ENOSF1: variants seen among roughly 807,000 people sequenced by gnomAD.
ENOSF1 encodes enolase superfamily member 1.
ENOSF1 carries 73 observed loss-of-function variants against 68.2 expected under a neutral mutation model. The ratio of observed to expected loss-of-function variants is 1.07; its 90% CI spans 0.89 to 1.30. The LOEUF (loss-of-function observed/expected upper bound fraction) is 1.30, where lower values mean the gene tolerates loss of function less well. Among genes scored for constraint, ENOSF1 ranks in the 50% most tolerant of loss-of-function variants. The pLI is 0.00. For missense variants in ENOSF1, 589 were observed against 554.5 expected, an observed-to-expected ratio of 1.06 and a Z score of -0.62; for synonymous variants, 223 against 210.4, an observed-to-expected ratio of 1.06 and a Z score of -0.52.
chr18:665,407 TTTTC>T (rs925381814), downstream of ENOSF1, among the ~76,000 whole-genome samples: 20 of 151,390 alleles, frequency 1.3e-4, no homozygotes, highest in South Asian at 1.3e-3. Context: ...ATTCTTCTCT[TTTTC>T]TTTATTAGTC....
At position 699,998 on chromosome 18, in the gene ENOSF1, T is replaced by C. The variant is rs1253800941; in HGVS notation, c.194-2643A>G. ...GGGAAGCGGAGGGAGGAGAATCACT[T>C]GAACCCAGGAGGTGGAGGTTGCAGT... is the stretch of plus-strand genomic sequence containing the variant. On this transcript the variant is annotated intron_variant, in intron 2 of 15. Coordinates refer to ENST00000647584, the MANE Select transcript of ENOSF1 (RefSeq NM_017512.7). Among the ~76,000 whole-genome samples, 3 of 152,182 alleles carry C rather than the reference T, an allele frequency of 2.0e-5. No homozygotes were observed. In the South Asian group the frequency reaches 6.2e-4, roughly 31 times the overall value.
chr18:667,799 C>T (rs887430302), downstream of ENOSF1: 2 of 152,024 alleles, frequency 1.3e-5, no homozygotes, highest in African/African-American at 2.4e-5. Context: ...GTAGGGTGTC[C>T]GTAGGATGTG....
Position 671,018 on chromosome 18 carries a change from AC to A in ENOSF1, c.*3286del. 1.0e-6 allele frequency: 1 copy of A among 966,828 alleles called. No individual in the cohort carries two copies. Among genetic ancestry groups the A allele is most frequent in the Admixed American group, 2.8e-5 (1 of 35,272 alleles). 59.9% of individuals were successfully genotyped at this position (966,828 alleles called of 1,614,324 possible). On this transcript the variant is annotated 3_prime_UTR_variant, in exon 16 of 16. Coordinates refer to ENST00000647584, the MANE Select transcript of ENOSF1 (RefSeq NM_017512.7). ...GAAATGAACCAGCTTTTACTTTGAA[AC>A]CTTCCTCTTCTGGAAGGTTTTCTGG...
At chr18:695,738 C>T (rs140521621) in intron 3 of ENOSF1, among the ~76,000 whole-genome samples, 367 of 152,188 alleles carry the variant, frequency 2.4e-3, no homozygotes, top group Admixed American at 4.2e-3. Flanking sequence ...AGCTACTGTG[C>T]CCAGCTGATT....
At position 690,544 on chromosome 18, in the gene ENOSF1, C is replaced by T; in HGVS notation, c.618+5G>A. ...CTGTCTACAAAGCCAGGTTAAAATG[C>T]CCACCTGCTTCAACGTGTCATCTGA... On this transcript the variant is annotated splice_donor_5th_base_variant and intron_variant, in intron 8 of 15. Coordinates refer to ENST00000647584, the MANE Select transcript of ENOSF1 (RefSeq NM_017512.7). 5 of 1,614,154 alleles carry T rather than the reference C, an allele frequency of 3.1e-6. No homozygotes were observed. Among genetic ancestry groups the T allele is most frequent in the Non-Finnish European group, 4.2e-6 (5 of 1,180,032 alleles).
At chr18:706,216 C>T (rs1454035353) in intron 2 of ENOSF1, among the ~76,000 whole-genome samples, 1 of 152,030 alleles carries the variant, frequency 6.6e-6, no homozygotes, top group East Asian at 1.9e-4. Flanking sequence ...GAGAAACAGA[C>T]TAACAGCCAA....
Position 672,712 on chromosome 18 carries a change from A to C in ENOSF1, c.*1593T>G. 1 of 832,696 alleles carries C rather than the reference A, an allele frequency of 1.2e-6. No individual in the cohort carries two copies. Among genetic ancestry groups the C allele is most frequent in the East Asian group, 2.6e-5 (1 of 39,070 alleles). 51.6% of individuals were successfully genotyped at this position (832,696 alleles called of 1,614,324 possible). ...GCTGGTTGCGCTCCAATCATGTTAC[A>C]TAACCTACGGCAAGGTATCGACAGG... On this transcript the variant is annotated 3_prime_UTR_variant, in exon 16 of 16. Coordinates refer to ENST00000647584, the MANE Select transcript of ENOSF1 (RefSeq NM_017512.7).
chr18:691,175 C>G (rs780161709), intron 6 of ENOSF1, 29 bp downstream of exon 6: 1 of 1,613,428 alleles, frequency 6.2e-7, no homozygotes, highest in African/African-American at 1.3e-5. Context: ...GTGTGCACGT[C>G]GTGTATCCCA....
At chr18:708,203 G>T (rs2079144809) in intron 1 of ENOSF1, among the ~76,000 whole-genome samples, 1 of 152,136 alleles carries the variant, frequency 6.6e-6, no homozygotes, top group African/African-American at 2.4e-5. Flanking sequence ...CTGTATTGGG[G>T]TGTCGTGGCT....
Position 675,402 on chromosome 18 carries a change from C to T in ENOSF1, c.1149G>A (p.Arg383=), listed in dbSNP as rs2075386222. 2 of 1,612,188 alleles carry T rather than the reference C, an allele frequency of 1.2e-6. No individual in the cohort carries two copies. The highest frequency in any genetic ancestry group is 1.7e-4 in the Middle Eastern group (1 of 6,052). The change falls in exon 15 of 16, where the codon AGG becomes AGA. Residue 383 remains arginine, a splice_region_variant and synonymous_variant. Coordinates refer to ENST00000647584, the MANE Select transcript of ENOSF1 (RefSeq NM_017512.7). ...YISVSASLEN[R]VCEYVDHLHE... Reference sequence around the variant, plus strand: ...GCAGGTGGTCAACATACTCACACACCCTAGGAGGAGGGAATCAGATCGGGG... The same window carrying T: ...GCAGGTGGTCAACATACTCACACACTCTAGGAGGAGGGAATCAGATCGGGG...
Position 673,149 on chromosome 18 carries a change from CT to C in ENOSF1, c.*1155del, listed in dbSNP as rs1167689742. On this transcript the variant is annotated 3_prime_UTR_variant, in exon 16 of 16. Transcript: ENST00000647584. ...TTATTAATTTTTAAGGATGTTGCCACTGGCAAATGTAACTGTGCCAGTTCTT... is the reference window on the plus strand; with the variant it reads ...TTATTAATTTTTAAGGATGTTGCCACGGCAAATGTAACTGTGCCAGTTCTT... 7 of 800,882 alleles carry C rather than the reference CT, an allele frequency of 8.7e-6. No individual in the cohort carries two copies. In the East Asian group the frequency reaches 1.8e-4, roughly 21 times the overall value. 49.6% of individuals were successfully genotyped at this position (800,882 alleles called of 1,614,324 possible). A position where few individuals can be genotyped will look rare whatever the true frequency, so the allele number is the denominator to read the frequency against.
intron 9 of ENOSF1, chr18:686,285 T>C: frequency 2.6e-6 from 1 of 382,972 alleles, no homozygotes; most frequent in Non-Finnish European, 4.7e-6. Flanking sequence ...AACTCCGTTT[T>C]TGCCGGGCCA....
rs3786349 is a variant in ENOSF1 at position 712,568 on chromosome 18, G to A, written c.20C>T (p.Ser7Phe). Reference sequence around the variant, plus strand: ...GCGCACGTCCCGGACCGAGAGCCGGGAGATCCTGCCGCGCACCATGGCCCC... The same window carrying A: ...GCGCACGTCCCGGACCGAGAGCCGGAAGATCCTGCCGCGCACCATGGCCCC... MVRGRI[S>F]RLSVRDVRFP... is the part of the protein sequence containing the mutation. The change falls in exon 1 of 16, where the codon TCC becomes TTC. Residue 7 changes from serine to phenylalanine, a missense_variant. Ser to Phe is a radical substitution (Grantham distance 155). Transcript: ENST00000647584. 93,102 of 1,359,794 alleles carry A rather than the reference G, an allele frequency of 0.068. 8,412 individuals are homozygous for A. Among genetic ancestry groups the A allele is most frequent in the East Asian group, 0.24 (9,563 of 39,224 alleles). The allele number at this position is 1,359,794 out of a possible 1,614,324, so 84.2% of individuals were successfully genotyped here. A position where few individuals can be genotyped will look rare whatever the true frequency, so the allele number is the denominator to read the frequency against.
At chr18:681,905 T>C (rs1249274167) in intron 11 of ENOSF1, among the ~76,000 whole-genome samples, 1 of 152,132 alleles carries the variant, frequency 6.6e-6, no homozygotes, top group Non-Finnish European at 1.5e-5. Flanking sequence ...CATGTGCTGA[T>C]TTGCTGAGAG....
In ENOSF1 at chr18:672,905, A is replaced by G; in HGVS notation, c.*1400T>C. 1.3e-6 allele frequency: 2 copies of G among 1,598,958 alleles called. No individual in the cohort carries two copies. Among genetic ancestry groups the G allele is most frequent in the African/African-American group, 1.3e-5 (1 of 74,914 alleles). On this transcript the variant is annotated 3_prime_UTR_variant, in exon 16 of 16. Transcript: ENST00000647584. ...TTTCCCAAAGCTCAGGATTCTTCGA[A>G]AAGTTGAGAAAATTGATGACTTCAA...
chr18:677,184 G>A (rs1237057939), intron 14 of ENOSF1, among the ~76,000 whole-genome samples, 161 bp downstream of exon 14: 2 of 152,224 alleles, frequency 1.3e-5, no homozygotes, highest in Non-Finnish European at 2.9e-5. Flanking sequence ...CCGTTCATTG[G>A]TGGGTCTCTG....
chr18:696,751 C>T lies in ENOSF1; in HGVS notation c.309+489G>A, dbSNP rs551455651. 7.9e-5 allele frequency among the ~76,000 whole-genome samples: 12 copies of T among 151,978 alleles called. No individual in the cohort carries two copies. The East Asian group carries it at 2.3e-3, about 30-fold the overall frequency. ...AGTCTTACAGAAATGAGTTGTTTAC[C>T]TCAAAATACTGATGATCTAAATGAC... On this transcript the variant is annotated intron_variant, in intron 3 of 15. Transcript: ENST00000647584.
chr18:692,921 T>C (rs1259281271), intron 5 of ENOSF1: 4 of 1,176,042 alleles, frequency 3.4e-6, no homozygotes, highest in Non-Finnish European at 3.2e-6. Flanking sequence ...TTCAAGGCCA[T>C]GGTGTTCTTT....
downstream of ENOSF1, chr18:669,158 G>A (rs1244429666): frequency 5.6e-6 from 9 of 1,614,042 alleles, no homozygotes; most frequent in East Asian, 2.2e-5. Flanking sequence ...CATCATGTGC[G>A]CTTGGAATCC....
Sources: allele counts gnomAD v4.1 joint callset (sites outside exome capture counted in the v4.1 genomes callset), GRCh38; gene constraint gnomAD v4.1.1; transcripts MANE v1.5; gene names NCBI Gene and HGNC (gene_info 2026-07-23, HGNC 2026-07-21).